The following SCN8A variants were observed in gnomAD, a reference collection of about 807,000 sequenced individuals.
SCN8A encodes the protein sodium voltage-gated channel alpha subunit 8.
A neutral mutation model predicts 184.1 loss-of-function variants in SCN8A; 30 were observed. The ratio of observed to expected loss-of-function variants is 0.16; its 90% CI spans 0.12 to 0.22. The LOEUF (loss-of-function observed/expected upper bound fraction) is 0.22, where lower values mean the gene tolerates loss of function less well. Ranked by LOEUF, SCN8A falls within the 10% of genes least tolerant of loss-of-function variation. The pLI, the probability that SCN8A is intolerant of heterozygous loss-of-function variation, is 1.00. For missense variants in SCN8A, 1,057 were observed against 2,498.9 expected (o/e 0.42, Z 12.30); for synonymous variants, 852 against 907.0 (o/e 0.94, Z 1.09).
intron 11 of SCN8A, among the ~76,000 whole-genome samples, chr12:51,716,464 G>A (rs759632189): frequency 6.6e-6 from 1 of 152,200 alleles, no homozygotes; most frequent in Non-Finnish European, 1.5e-5. Context: ...GGATCATGGA[G>A]AACTGAGAGG....
At chr12:51,687,613 CT>C (rs1941440135) in intron 5 of SCN8A, among the ~76,000 whole-genome samples, 1 of 152,164 alleles carries the variant, frequency 6.6e-6, no homozygotes, top group Admixed American at 6.5e-5. Flanking sequence ...CTGGGTATGT[CT>C]TACCGTATGT....
chr12:51,771,216 C>T (rs1383585687), intron 19 of SCN8A, among the ~76,000 whole-genome samples: 1 of 152,160 alleles, frequency 6.6e-6, no homozygotes, highest in Non-Finnish European at 1.5e-5. Context: ...ATTATCTTGG[C>T]ATTTGCTTTT....
At chr12:51,765,627 T>C (rs957012200) in intron 15 of SCN8A, 44 bp from the exon 16 acceptor site, 1 of 1,148,456 alleles carries the variant, frequency 8.7e-7, no homozygotes, top group Non-Finnish European at 1.2e-6. Context: ...AGAAAATTGA[T>C]TGAGTATCAT....
chr12:51,776,995 G>T (rs936950270), intron 20 of SCN8A, among the ~76,000 whole-genome samples: 3 of 152,116 alleles, frequency 2.0e-5, no homozygotes, highest in African/African-American at 7.2e-5. Context: ...TTTTGCTCAG[G>T]TCCTTGGCTG....
At chr12:51,609,479 A>G (rs1480724699) in intron 1 of SCN8A, among the ~76,000 whole-genome samples, 1 of 152,104 alleles carries the variant, frequency 6.6e-6, no homozygotes, top group Non-Finnish European at 1.5e-5. Flanking sequence ...TTAGATGCAT[A>G]TATGTTTAGG....
rs749172465 is a variant in SCN8A at position 51,608,021 on chromosome 12, C to CTTTTTTTTTT, written c.-55+16670_-55+16679dup. ...GGATTGGTACCAATTTTTCTTTTTC[C>CTTTTTTTTTT]TTTTTTTTTTTTTTTTTGAGATGGA... is the stretch of plus-strand genomic sequence containing the variant. On this transcript the variant is annotated intron_variant, in intron 1 of 26. Coordinates refer to ENST00000627620, the MANE Select transcript of SCN8A (RefSeq NM_001330260.2). Among the ~76,000 whole-genome samples, 832 of 133,344 alleles carry CTTTTTTTTTT rather than the reference C, an allele frequency of 6.2e-3. 4 individuals carry two copies. The highest frequency in any genetic ancestry group is 0.011 in the Non-Finnish European group (672 of 61,546). 87.5% of individuals were successfully genotyped at this position (133,344 alleles called of 152,430 possible).
chr12:51,706,392 C>G (rs377532428), intron 10 of SCN8A, 30 bp from the exon 11 acceptor site: 302 of 1,510,506 alleles, frequency 2.0e-4, no homozygotes, highest in Non-Finnish European at 2.1e-4. Context: ...TTGCCCTGGT[C>G]TGGCTTCCCT....
intron 2 of SCN8A, among the ~76,000 whole-genome samples, chr12:51,668,316 A>G (rs1941072557): frequency 6.6e-6 from 1 of 152,156 alleles, no homozygotes; most frequent in African/African-American, 2.4e-5. Context: ...AGCCTTAGAC[A>G]TCATCTAGTT....
chr12:51,766,704 A>G (rs1265947553), intron 16 of SCN8A, among the ~76,000 whole-genome samples: 3 of 152,198 alleles, frequency 2.0e-5, no homozygotes, highest in Non-Finnish European at 4.4e-5. Context: ...TCACCAACAG[A>G]TCTTAACACC....
At chr12:51,612,652 A>G (rs1181800667) in intron 1 of SCN8A, among the ~76,000 whole-genome samples, 2 of 152,186 alleles carry the variant, frequency 1.3e-5, no homozygotes, top group African/African-American at 4.8e-5. Flanking sequence ...TCAGATAATG[A>G]ACCTACTTTG....
At chr12:51,650,592 C>G (rs1940689711) in intron 1 of SCN8A, among the ~76,000 whole-genome samples, 1 of 151,422 alleles carries the variant, frequency 6.6e-6, no homozygotes, top group African/African-American at 2.4e-5. Context: ...GGGAGCAGGC[C>G]CCCCAAAATC....
intron 11 of SCN8A, among the ~76,000 whole-genome samples, chr12:51,709,898 G>C (rs1282517766): frequency 2.6e-5 from 4 of 152,120 alleles, no homozygotes; most frequent in Non-Finnish European, 5.9e-5. Context: ...TGTAGAAAAG[G>C]AGTAGGAAGT....
intron 22 of SCN8A, among the ~76,000 whole-genome samples, 163 bp downstream of exon 22, chr12:51,786,989 T>G (rs1938104839): frequency 6.6e-6 from 1 of 152,204 alleles, no homozygotes; most frequent in African/African-American, 2.4e-5. Flanking sequence ...AGAGATACCT[T>G]TCCTGAGTAT....
rs190715646 is a variant in SCN8A at position 51,650,992 on chromosome 12, C to T, written c.-54-11772C>T. Among the ~76,000 whole-genome samples the T allele has an allele frequency of 4.6e-4, 70 of 152,240 alleles. 1 individual carries two copies. Among genetic ancestry groups the T allele is most frequent in the South Asian group, 1.2e-3 (6 of 4,816 alleles). On this transcript the variant is annotated intron_variant, in intron 1 of 26. Transcript: ENST00000627620. ...CCTTATGGGAAATGAAGGGATAGGC[C>T]GAATTAAAGGAATAGGTTGGGCTAG...
intron 6 of SCN8A, among the ~76,000 whole-genome samples, chr12:51,696,511 G>T (rs1243629528): frequency 6.6e-6 from 1 of 152,158 alleles, no homozygotes; most frequent in Admixed American, 6.5e-5. Context: ...TTACCTAGCT[G>T]TGTGATTATG....
In SCN8A at chr12:51,706,475, A is replaced by T; in HGVS notation, c.1395A>T (p.Glu465Asp). 6.2e-7 allele frequency: 1 copy of T among 1,605,336 alleles called. No individual in the cohort carries two copies. The highest frequency in any genetic ancestry group is 8.5e-7 in the Non-Finnish European group (1 of 1,176,060). ...AGTVSEDAIE[E>D]EGEEGGGSPR... ...CTGTCTCAGAAGATGCCATAGAGGA[A>T]GAAGGTGAAGAAGGAGGGGGCTCCC... Residue 465 changes from glutamate to aspartate, a missense_variant, in exon 11 of 27, where the codon GAA becomes GAT. By Grantham distance (45) the Glu-to-Asp change is conservative (BLOSUM62 2). Transcript: ENST00000627620.
At chr12:51,757,878 A>T (rs549615074) in intron 14 of SCN8A, among the ~76,000 whole-genome samples, 1 of 152,378 alleles carries the variant, frequency 6.6e-6, no homozygotes, top group South Asian at 2.1e-4. Context: ...ATTGTTTTAT[A>T]GAATATTCTG....
chr12:51,638,504 T>A (rs1940369454), intron 1 of SCN8A, among the ~76,000 whole-genome samples: 1 of 151,806 alleles, frequency 6.6e-6, no homozygotes, highest in Non-Finnish European at 1.5e-5. Flanking sequence ...TTTTTTTTTT[T>A]TGAGACGGAG....
chr12:51,772,706 C>A (rs1205276193), intron 19 of SCN8A, among the ~76,000 whole-genome samples: 2 of 151,972 alleles, frequency 1.3e-5, no homozygotes, highest in Admixed American at 6.5e-5. Flanking sequence ...TGGAGCCGGG[C>A]ACGGTAGCTC....
Sources: allele counts gnomAD v4.1 joint callset (sites outside exome capture counted in the v4.1 genomes callset), GRCh38; gene constraint gnomAD v4.1.1; transcripts MANE v1.5; gene names NCBI Gene and HGNC (gene_info 2026-07-23, HGNC 2026-07-21).